Variants in NRXN1 observed in about 807,000 individuals in gnomAD.
NRXN1 encodes the protein neurexin-1.
Under a neutral mutation model 150.9 loss-of-function variants are expected in NRXN1, and 39 were observed. The observed-to-expected ratio is 0.26, with a 90% CI of 0.20 to 0.34. The LOEUF is 0.34. NRXN1 is among the 10% of genes least tolerant of loss of function. The probability of loss-of-function intolerance (pLI) is 1.00; values close to 1 mark genes in which losing one functional copy is unlikely to be tolerated. For synonymous variants in NRXN1, 924 were observed against 757.0 expected (o/e 1.22, Z -3.62); for missense variants, 1,815 against 1,949.9 (o/e 0.93, Z 1.30).
intron 18 of NRXN1, among the ~76,000 whole-genome samples, chr2:50,105,576 C>T (rs1455575101): frequency 6.6e-6 from 1 of 151,978 alleles, no homozygotes. Flanking sequence ...GTGCCTCAAG[C>T]TTCCAATCAA....
chr2:49,933,713 C>G (rs1670537290), intron 22 of NRXN1, among the ~76,000 whole-genome samples: 1 of 152,146 alleles, frequency 6.6e-6, no homozygotes, highest in African/African-American at 2.4e-5. Flanking sequence ...ATGAAAGTAT[C>G]TGAGGAGGAT....
intron 2 of NRXN1, among the ~76,000 whole-genome samples, chr2:50,969,028 C>G (rs1238498921): frequency 6.6e-6 from 1 of 152,084 alleles, no homozygotes; most frequent in Admixed American, 6.6e-5. Context: ...GTCCCAGTAA[C>G]ACTCCAAGCC....
intron 18 of NRXN1, among the ~76,000 whole-genome samples, chr2:50,169,258 A>T (rs1347403683): frequency 1.3e-5 from 2 of 152,140 alleles, no homozygotes; most frequent in African/African-American, 4.8e-5. Flanking sequence ...ATTTGGCCAA[A>T]AGTGTCCACT....
chr2:50,763,079 T>C (rs938413227), intron 5 of NRXN1, among the ~76,000 whole-genome samples: 3 of 151,998 alleles, frequency 2.0e-5, no homozygotes, highest in Non-Finnish European at 4.4e-5. Flanking sequence ...GAAGGCTTTT[T>C]AGGAGCCTCC....
At chr2:50,582,033 T>C (rs1181411840) in intron 8 of NRXN1, among the ~76,000 whole-genome samples, 1 of 152,144 alleles carries the variant, frequency 6.6e-6, no homozygotes, top group African/African-American at 2.4e-5. Context: ...AGTCATAAAT[T>C]AGTGAAATCT....
At chr2:50,445,191 C>T (rs1438052238) in intron 17 of NRXN1, among the ~76,000 whole-genome samples, 2 of 152,136 alleles carry the variant, frequency 1.3e-5, no homozygotes, top group Admixed American at 6.6e-5. Context: ...CAATACCCCA[C>T]ATAACCAAAA....
intron 21 of NRXN1, among the ~76,000 whole-genome samples, chr2:50,050,050 C>T (rs940754646): frequency 1.8e-4 from 27 of 151,486 alleles, no homozygotes; most frequent in Non-Finnish European, 2.9e-5. Flanking sequence ...TAAAAAGGAA[C>T]AATTCGATCA....
In NRXN1 at chr2:50,790,991, TA is replaced by T. The variant is rs148467358; in HGVS notation, c.832+130877del. 3.6e-3 allele frequency among the ~76,000 whole-genome samples: 552 copies of T among 152,174 alleles called. 4 individuals are homozygous for T. Among genetic ancestry groups the T allele is most frequent in the Non-Finnish European group, 6.3e-3 (426 of 67,984 alleles). On this transcript the variant is annotated intron_variant, in intron 5 of 22. Transcript: ENST00000401669. ...ATTAGGGATGCTCAACCTGTACTAGTAGCTGATTTTTAAGGTTTCCTTTGTT... is the reference window on the plus strand; with the variant it reads ...ATTAGGGATGCTCAACCTGTACTAGTGCTGATTTTTAAGGTTTCCTTTGTT...
chr2:50,778,068 C>G lies in NRXN1; in HGVS notation c.832+143801G>C, dbSNP rs915652518. ...GGTAGTTTTTACACACCTCCTCCCC[C>G]CCTTTTTTCTTTACACTTGATCAGC... is the stretch of plus-strand genomic sequence containing the variant. On this transcript the variant is annotated intron_variant, in intron 5 of 22. Coordinates refer to ENST00000401669, the MANE Select transcript of NRXN1 (RefSeq NM_001330078.2). Among the ~76,000 whole-genome samples, 9 of 152,202 alleles carry G rather than the reference C, an allele frequency of 5.9e-5. No homozygotes were observed. The South Asian group carries it at 8.3e-4, about 14-fold the overall frequency.
intron 13 of NRXN1, among the ~76,000 whole-genome samples, chr2:50,502,587 C>A (rs1260121646): frequency 6.6e-6 from 1 of 152,056 alleles, no homozygotes; most frequent in Non-Finnish European, 1.5e-5. Flanking sequence ...ATTTTAGATG[C>A]ATTATTGGAT....
intron 17 of NRXN1, among the ~76,000 whole-genome samples, chr2:50,404,489 T>G (rs2082614025): frequency 6.6e-6 from 1 of 152,060 alleles, no homozygotes; most frequent in African/African-American, 2.4e-5. Context: ...TTCATACAAT[T>G]TAAGACACAA....
intron 21 of NRXN1, chr2:49,973,096 T>TCA (rs1040884572): frequency 6.6e-6 from 1 of 152,182 alleles, no homozygotes; most frequent in African/African-American, 2.4e-5. Flanking sequence ...CCCAAGGAAT[T>TCA]CACACACACA....
intron 18 of NRXN1, among the ~76,000 whole-genome samples, chr2:50,140,061 C>T (rs1196704963): frequency 6.6e-6 from 1 of 151,916 alleles, no homozygotes; most frequent in Non-Finnish European, 1.5e-5. Flanking sequence ...TAAGGATAGC[C>T]ATTCAAGAAT....
intron 17 of NRXN1, among the ~76,000 whole-genome samples, chr2:50,287,659 G>T (rs1030237719): frequency 2.6e-5 from 4 of 152,044 alleles, no homozygotes; most frequent in African/African-American, 9.7e-5. Context: ...TATTATAATG[G>T]AATGGTCTGA....
At chr2:50,261,636 G>A (rs1407675650) in intron 17 of NRXN1, among the ~76,000 whole-genome samples, 1 of 151,874 alleles carries the variant, frequency 6.6e-6, no homozygotes, top group Non-Finnish European at 1.5e-5. Flanking sequence ...CCAAAACAGT[G>A]TAGCAAATTC....
chr2:50,637,155 T>A (rs1392573832), intron 5 of NRXN1, among the ~76,000 whole-genome samples: 1 of 152,156 alleles, frequency 6.6e-6, no homozygotes, highest in South Asian at 2.1e-4. Flanking sequence ...TATTCTGTTA[T>A]GCTGCATTTT....
intron 2 of NRXN1, among the ~76,000 whole-genome samples, chr2:50,968,101 G>A (rs541442279): frequency 1.1e-4 from 16 of 152,050 alleles, no homozygotes; most frequent in African/African-American, 3.9e-4. Flanking sequence ...CTTCTGATAG[G>A]TAGACTGGTG....
chr2:50,859,566 T>C (rs1483523119), intron 5 of NRXN1, among the ~76,000 whole-genome samples: 4 of 150,716 alleles, frequency 2.7e-5, no homozygotes, highest in African/African-American at 9.7e-5. Flanking sequence ...AGAAATCTAA[T>C]AAATCTAACA....
intron 5 of NRXN1, among the ~76,000 whole-genome samples, chr2:50,681,405 G>T (rs1335024468): frequency 6.6e-6 from 1 of 152,142 alleles, no homozygotes; most frequent in African/African-American, 2.4e-5. Flanking sequence ...TGTGTCTTAT[G>T]CTTCTATTTT....
Sources: allele counts gnomAD v4.1 joint callset (sites outside exome capture counted in the v4.1 genomes callset), GRCh38; gene constraint gnomAD v4.1.1; transcripts MANE v1.5; gene names NCBI Gene and HGNC (gene_info 2026-07-23, HGNC 2026-07-21).